RUNDC3A: variants seen among roughly 807,000 people sequenced by gnomAD.
RUNDC3A encodes RUN domain containing 3A.
In RUNDC3A, 28 loss-of-function variants were observed where a neutral mutation model predicts 53.9. That is an observed-to-expected ratio of 0.52 (90% CI 0.38 to 0.71). The LOEUF is 0.71. Ranked by LOEUF, RUNDC3A falls within the 30% of genes least tolerant of loss-of-function variation. The pLI, the probability that RUNDC3A is intolerant of heterozygous loss-of-function variation, is 0.00. For missense variants in RUNDC3A, 491 were observed against 597.3 expected, an observed-to-expected ratio of 0.82 and a Z score of 1.85; for synonymous variants, 232 against 249.4, an observed-to-expected ratio of 0.93 and a Z score of 0.66.
chr17:44,310,564 C>A (rs2047730400), intron 1 of RUNDC3A: 2 of 281,634 alleles, frequency 7.1e-6, no homozygotes, highest in Non-Finnish European at 1.1e-5. Flanking sequence ...GGCTCAGTAA[C>A]CCCCAGGCCC....
intron 4 of RUNDC3A, chr17:44,314,011 G>A (rs2047803136): frequency 4.0e-6 from 4 of 992,038 alleles, no homozygotes; most frequent in Middle Eastern, 5.2e-4. Context: ...CCACTTGCAA[G>A]TCAAATCTAA....
At chr17:44,309,575 G>A (rs1454347796) in intron 1 of RUNDC3A, among the ~76,000 whole-genome samples, 1 of 152,060 alleles carries the variant, frequency 6.6e-6, no homozygotes, top group South Asian at 2.1e-4. Context: ...AAGATTCTCC[G>A]TGATTGCGGG....
chr17:44,318,343 T>C lies in RUNDC3A; in HGVS notation c.*105T>C, dbSNP rs1364421848. Reference sequence around the variant, plus strand: ...TCCAGGCTACCCTTCCAGAGAACGCTACCCACCCAGCCAGGGTTCTCTCGG... The same window carrying C: ...TCCAGGCTACCCTTCCAGAGAACGCCACCCACCCAGCCAGGGTTCTCTCGG... On this transcript the variant is annotated 3_prime_UTR_variant, in exon 11 of 11. Coordinates refer to ENST00000426726, the MANE Select transcript of RUNDC3A (RefSeq NM_001144825.2). 1 of 1,242,706 alleles carries C rather than the reference T, an allele frequency of 8.0e-7. No individual in the cohort carries two copies. Among genetic ancestry groups the C allele is most frequent in the South Asian group, 1.4e-5 (1 of 71,826 alleles). 77.0% of individuals were successfully genotyped at this position (1,242,706 alleles called of 1,614,324 possible). A position where few individuals can be genotyped will look rare whatever the true frequency, so the allele number is the denominator to read the frequency against.
Position 44,315,734 on chromosome 17 carries a change from A to T in RUNDC3A, c.953+125A>T. 1 of 891,606 alleles carries T rather than the reference A, an allele frequency of 1.1e-6. No homozygotes were observed. 55.2% of individuals were successfully genotyped at this position (891,606 alleles called of 1,614,324 possible). A position where few individuals can be genotyped will look rare whatever the true frequency, so the allele number is the denominator to read the frequency against. On this transcript the variant is annotated intron_variant, in intron 8 of 10. Transcript: ENST00000426726. This position sits in a 1 kb window ranked among gnomAD's most constrained non-coding sequence, Gnocchi z 6.1. ...ACGAGCACCCACCTCTCCAGCATCA[A>T]CCCTCTGATCCAGCCAGCCCCACCC...
intron 4 of RUNDC3A, chr17:44,313,727 G>A: frequency 7.7e-7 from 1 of 1,297,748 alleles, no homozygotes; most frequent in Non-Finnish European, 9.8e-7. Flanking sequence ...TGTTGCCCAG[G>A]CTGGAGTGCG....
At chr17:44,316,550 C>A in intron 9 of RUNDC3A, 28 bp downstream of exon 9, 1 of 1,601,544 alleles carries the variant, frequency 6.2e-7, no homozygotes, top group Non-Finnish European at 8.5e-7. Context: ...GGGGCTTGGG[C>A]CTGAGAGCGG....
At chr17:44,317,452 G>T in intron 10 of RUNDC3A, 1 of 780,806 alleles carries the variant, frequency 1.3e-6, no homozygotes, top group South Asian at 1.3e-5. Context: ...CTACTTGCCT[G>T]ACCATTGTTT....
chr17:44,315,313 C>T lies in RUNDC3A; in HGVS notation c.788C>T (p.Ala263Val). 6.9e-7 allele frequency: 1 copy of T among 1,459,612 alleles called. No individual in the cohort carries two copies. The highest frequency in any genetic ancestry group is 9.1e-7 in the Non-Finnish European group (1 of 1,099,206). 90.4% of individuals were successfully genotyped at this position (1,459,612 alleles called of 1,614,324 possible). Residue 263 changes from alanine (A) to valine (V), a missense_variant, in exon 7 of 11, where the codon GCG becomes GTG. Physicochemically the swap from Ala to Val is moderately conservative, Grantham distance 64. Coordinates refer to ENST00000426726, the MANE Select transcript of RUNDC3A (RefSeq NM_001144825.2). The surrounding 1 kb of genome is among the most constrained non-coding windows in gnomAD (Gnocchi z 6.1). ...KMEQKFRIVY[A>V]QKGYLEELVR... Reference sequence around the variant, plus strand: ...GAGCAGAAGTTCCGCATCGTCTACGCGCAGAAGGTGCGCGACGCCGGCGGG... The same window carrying T: ...GAGCAGAAGTTCCGCATCGTCTACGTGCAGAAGGTGCGCGACGCCGGCGGG...
In RUNDC3A at chr17:44,308,715, A is replaced by C; in HGVS notation, c.-118A>C. 1 of 568,232 alleles carries C rather than the reference A, an allele frequency of 1.8e-6. No individual in the cohort carries two copies. Among genetic ancestry groups the C allele is most frequent in the Non-Finnish European group, 2.9e-6 (1 of 340,886 alleles). 35.2% of individuals were successfully genotyped at this position (568,232 alleles called of 1,614,324 possible). On this transcript the variant is annotated 5_prime_UTR_variant, in exon 1 of 11. The change abolishes an upstream ATG in the 5' untranslated region. Coordinates refer to ENST00000426726, the MANE Select transcript of RUNDC3A (RefSeq NM_001144825.2). ...CGGGCGCAAAGGCAGGGGGATGGCC[A>C]TGGAAGGGTTGAGGGGCCCCGTCGG...
In RUNDC3A at chr17:44,312,594, C is replaced by T. The variant is rs1480099674; in HGVS notation, c.122C>T (p.Thr41Met). ...LITVCRFSVK[T>M]LLEKYTAEPI... is the part of the protein sequence containing the mutation. Reference sequence around the variant, plus strand: ...TCGCCGCCCAGGTTCTCTGTGAAAACGCTGCTGGAGAAGTACACAGCGGAG... The same window carrying T: ...TCGCCGCCCAGGTTCTCTGTGAAAATGCTGCTGGAGAAGTACACAGCGGAG... The change falls in exon 2 of 11, where the codon ACG (threonine) becomes ATG (methionine). Residue 41 changes from threonine (T) to methionine (M), a missense_variant. Thr to Met is a moderately conservative substitution (Grantham distance 81, BLOSUM62 -1). Coordinates refer to ENST00000426726, the MANE Select transcript of RUNDC3A (RefSeq NM_001144825.2). The T allele has an allele frequency of 2.5e-6, 4 of 1,571,272 alleles. No homozygotes were observed. Among genetic ancestry groups the T allele is most frequent in the East Asian group, 2.3e-5 (1 of 42,632 alleles).
intron 4 of RUNDC3A, 48 bp from the exon 5 acceptor site, chr17:44,314,687 G>GGGC: frequency 8.8e-7 from 1 of 1,135,006 alleles, no homozygotes; most frequent in Non-Finnish European, 1.2e-6. Flanking sequence ...GGGGGGGGGG[G>GGGC]GCGCTCCAGG....
Position 44,315,982 on chromosome 17 carries a change from C to T in RUNDC3A, c.953+373C>T, listed in dbSNP as rs1299326620. 6.6e-6 allele frequency among the ~76,000 whole-genome samples: 1 copy of T among 152,036 alleles called. No individual in the cohort carries two copies. The highest frequency in any genetic ancestry group is 1.5e-5 in the Non-Finnish European group (1 of 67,994). Reference sequence around the variant, plus strand: ...TCACCTGCACCACAGGCTCACTGACCGTCATCATCCGCCGTGACCCCCGAC... The same window carrying T: ...TCACCTGCACCACAGGCTCACTGACTGTCATCATCCGCCGTGACCCCCGAC... On this transcript the variant is annotated intron_variant, in intron 8 of 10. Coordinates refer to ENST00000426726, the MANE Select transcript of RUNDC3A (RefSeq NM_001144825.2). This position sits in a 1 kb window ranked among gnomAD's most constrained non-coding sequence, Gnocchi z 6.1.
chr17:44,313,269 A>C lies in RUNDC3A; in HGVS notation c.372+17A>C. 6.2e-7 allele frequency: 1 copy of C among 1,613,624 alleles called. No homozygotes were observed. The highest frequency in any genetic ancestry group is 2.2e-5 in the East Asian group (1 of 44,864). ...CGGGCCAAGGTGAGGGGCCTGAAGC[A>C]AGCAACTGCTCTCTGCTCTGGACAC... On this transcript the variant is annotated intron_variant, in intron 3 of 10. Coordinates refer to ENST00000426726, the MANE Select transcript of RUNDC3A (RefSeq NM_001144825.2).
chr17:44,315,054 G>T lies in RUNDC3A; in HGVS notation c.629+45G>T, dbSNP rs2047829608. 1.2e-6 allele frequency: 2 copies of T among 1,611,662 alleles called. No individual in the cohort carries two copies. The highest frequency in any genetic ancestry group is 1.7e-6 in the Non-Finnish European group (2 of 1,179,344). On this transcript the variant is annotated intron_variant, in intron 6 of 10. Coordinates refer to ENST00000426726, the MANE Select transcript of RUNDC3A (RefSeq NM_001144825.2). The surrounding 1 kb of genome is among the most constrained non-coding windows in gnomAD (Gnocchi z 6.1). ...CGGCGGGGCGGGGGACGGGGCCTCG[G>T]GACATCCTGGGGACGTCCTGGTCCC...
chr17:44,314,916 T>C lies in RUNDC3A; in HGVS notation c.549-13T>C, dbSNP rs2047826579. Reference sequence around the variant, plus strand: ...TCACACCCACCTCCAACCCTGTGGCTCCTCTGCCTCAGCTTCTGTCTAAAG... The same window carrying C: ...TCACACCCACCTCCAACCCTGTGGCCCCTCTGCCTCAGCTTCTGTCTAAAG... On this transcript the variant is annotated splice_polypyrimidine_tract_variant and intron_variant, in intron 5 of 10. Transcript: ENST00000426726. 8.7e-6 allele frequency: 14 copies of C among 1,613,976 alleles called. No homozygotes were observed. In the East Asian group the frequency reaches 3.1e-4, roughly 36 times the overall value.
chr17:44,317,634 A>G, intron 10 of RUNDC3A: 1 of 728,598 alleles, frequency 1.4e-6, no homozygotes, highest in Non-Finnish European at 2.6e-6. Context: ...TCTTTTTTAT[A>G]AGCAACCACA....
Position 44,315,713 on chromosome 17 carries a change from G to T in RUNDC3A, c.953+104G>T. ...TCGACTCTAACATCACCCGACACGA[G>T]CACCCACCTCTCCAGCATCAACCCT... On this transcript the variant is annotated intron_variant, in intron 8 of 10. Transcript: ENST00000426726. The surrounding 1 kb of genome is among the most constrained non-coding windows in gnomAD (Gnocchi z 6.1). 1.9e-6 allele frequency: 2 copies of T among 1,074,506 alleles called. No homozygotes were observed. The highest frequency in any genetic ancestry group is 1.7e-5 in the African/African-American group (1 of 60,160). 66.6% of individuals were successfully genotyped at this position (1,074,506 alleles called of 1,614,324 possible).
At chr17:44,314,566 C>G in intron 4 of RUNDC3A, 169 bp from the exon 5 acceptor site, 1 of 1,441,116 alleles carries the variant, frequency 6.9e-7, no homozygotes, top group East Asian at 2.5e-5. Context: ...GCCACAGGTG[C>G]GAGCCCCAGG....
At position 44,313,120 on chromosome 17, in the gene RUNDC3A, T is replaced by A; in HGVS notation, c.240T>A (p.Gly80=). The A allele has an allele frequency of 6.2e-7, 1 of 1,614,010 alleles. No homozygotes were observed. The highest frequency in any genetic ancestry group is 8.5e-7 in the Non-Finnish European group (1 of 1,179,878). ...CTGGCTCAGCCTGTGCCCCAGCAGGTCCAGTGAGCTGGTTCAGCTCAGACG... is the reference window on the plus strand; with the variant it reads ...CTGGCTCAGCCTGTGCCCCAGCAGGACCAGTGAGCTGGTTCAGCTCAGACG... ...SHRFKACAPA[G]PVSWFSSDGQ... The change falls in exon 3 of 11, where the codon GGT becomes GGA. Residue 80 remains glycine (G), a synonymous_variant. Transcript: ENST00000426726.
Sources: allele counts gnomAD v4.1 joint callset (sites outside exome capture counted in the v4.1 genomes callset), GRCh38; gene constraint gnomAD v4.1.1; non-coding constraint Gnocchi (gnomAD v3.1); transcripts MANE v1.5; gene names NCBI Gene and HGNC (gene_info 2026-07-23, HGNC 2026-07-21).